The following ECI2 variants were observed in gnomAD, a reference collection of about 807,000 sequenced individuals.
The protein encoded by ECI2 is enoyl-CoA delta isomerase 2, also known as D3,D2-enoyl-CoA isomerase.
Under a neutral mutation model 38.4 loss-of-function variants are expected in ECI2, and 27 were observed. The ratio of observed to expected loss-of-function variants is 0.70; its 90% CI spans 0.52 to 0.97. The LOEUF is 0.97. Among genes scored for constraint, ECI2 ranks in the 50% least tolerant of loss-of-function variants. The probability of loss-of-function intolerance (pLI) is 0.00; values close to 1 mark genes in which losing one functional copy is unlikely to be tolerated. For missense variants in ECI2, 470 were observed against 474.4 expected (o/e 0.99, Z 0.09); for synonymous variants, 168 against 172.0 (o/e 0.98, Z 0.18).
intron 6 of ECI2, 88 bp downstream of exon 6, chr6:4,126,047 G>A: frequency 9.9e-7 from 1 of 1,005,796 alleles, no homozygotes; most frequent in Non-Finnish European, 1.6e-6. Flanking sequence ...ACACAGAGAA[G>A]CAGATATTGC....
At chr6:4,123,435 CTTTAT>C (rs938427628) in intron 7 of ECI2, among the ~76,000 whole-genome samples, 4 of 151,808 alleles carry the variant, frequency 2.6e-5, no homozygotes, top group African/African-American at 7.3e-5. Flanking sequence ...CCTCAATTTC[CTTTAT>C]TTTAAATGAT....
At chr6:4,122,019 C>A in intron 7 of ECI2, 2 of 1,600,200 alleles carry the variant, frequency 1.2e-6, no homozygotes, top group Non-Finnish European at 1.7e-6. Context: ...GAGAAACCTG[C>A]CAACAACAGC....
At chr6:4,118,354 T>C (rs1209608604) in intron 8 of ECI2, 1 of 152,374 alleles carries the variant, frequency 6.6e-6, no homozygotes, top group Non-Finnish European at 1.5e-5. Flanking sequence ...AATAGCCAAA[T>C]GCTCTAAGAC....
intron 7 of ECI2, among the ~76,000 whole-genome samples, chr6:4,121,148 G>A (rs1310830231): frequency 2.0e-5 from 3 of 152,178 alleles, no homozygotes; most frequent in Non-Finnish European, 4.4e-5. Context: ...AACCATGCTA[G>A]TATGTATGTA....
At chr6:4,118,185 C>A (rs1223551712) in intron 8 of ECI2, 2 of 152,254 alleles carry the variant, frequency 1.3e-5, no homozygotes, top group East Asian at 3.9e-4. Context: ...TGCCCGCCAC[C>A]ATGCCCCGGC....
intron 7 of ECI2, among the ~76,000 whole-genome samples, chr6:4,122,788 GC>G (rs140946749): frequency 4.6e-4 from 70 of 152,332 alleles, no homozygotes; most frequent in African/African-American, 1.5e-3. Context: ...GAGCCACTGT[GC>G]CTGGCCAAGT....
intron 8 of ECI2, chr6:4,117,674 CGTT>C (rs1652308863): frequency 4.4e-6 from 2 of 454,536 alleles, no homozygotes; most frequent in Admixed American, 4.0e-5. Flanking sequence ...TTCTGTGTAT[CGTT>C]GTTGGAGGGG....
rs890426856 is a variant in ECI2, at chr6:4,130,033, T to C, written c.501+339A>G. The C allele has an allele frequency of 1.5e-5, 19 of 1,306,404 alleles. No individual in the cohort carries two copies. In the African/African-American group the frequency reaches 2.5e-4, roughly 17 times the overall value. The allele number at this position is 1,306,404 out of a possible 1,614,324, so 80.9% of individuals were successfully genotyped here. A position where few individuals can be genotyped will look rare whatever the true frequency, so the allele number is the denominator to read the frequency against. On this transcript the variant is annotated intron_variant, in intron 4 of 9. Transcript: ENST00000380118. Reference sequence around the variant, plus strand: ...GACTTACTTTCATGTCTAAGTGACATGAAGATACTTCTGGGAGCAGTCTAC... The same window carrying C: ...GACTTACTTTCATGTCTAAGTGACACGAAGATACTTCTGGGAGCAGTCTAC...
At chr6:4,125,958 G>A (rs772943095) in intron 6 of ECI2, 177 bp downstream of exon 6, 31 of 688,762 alleles carry the variant, frequency 4.5e-5, no homozygotes, top group Non-Finnish European at 7.7e-5. Flanking sequence ...AGAGGTCAAA[G>A]AGAAAGAATG....
At chr6:4,118,440 T>C (rs2783073) in intron 8 of ECI2, 45,796 of 152,196 alleles carry the variant, frequency 0.3, 7,034 homozygotes, top group East Asian at 0.36. Flanking sequence ...AAAACATACA[T>C]ATATAAGTTT....
At chr6:4,133,883 A>G (rs1352524331) in intron 1 of ECI2, 172 bp from the exon 2 acceptor site, 1 of 678,292 alleles carries the variant, frequency 1.5e-6, no homozygotes, top group Admixed American at 3.9e-5. Flanking sequence ...GGATTCCAAG[A>G]TAATAAGTCA....
At chr6:4,119,421 A>G (rs1772527626) in intron 7 of ECI2, 146 bp from the exon 8 acceptor site, 1 of 555,038 alleles carries the variant, frequency 1.8e-6, no homozygotes, top group African/African-American at 1.9e-5. Context: ...CTTGGGTTCA[A>G]GCGATTCTCC....
chr6:4,130,555 A>G lies in ECI2; in HGVS notation c.318T>C (p.Ala106=). ...WNALGSLPKE[A]ARQNYVDLVS... Reference sequence around the variant, plus strand: ...CCAAATCCACATAGTTCTGCCTGGCAGCTTCCTGAACGGACGATGACAAAC... The same window carrying G: ...CCAAATCCACATAGTTCTGCCTGGCGGCTTCCTGAACGGACGATGACAAAC... Residue 106 remains alanine (A), a synonymous_variant, in exon 4 of 10, where the codon GCT becomes GCC. Transcript: ENST00000380118. 1 of 1,614,252 alleles carries G rather than the reference A, an allele frequency of 6.2e-7. No homozygotes were observed. Among genetic ancestry groups the G allele is most frequent in the Non-Finnish European group, 8.5e-7 (1 of 1,180,052 alleles).
chr6:4,121,887 A>G (rs1372441708), intron 7 of ECI2: 7 of 929,996 alleles, frequency 7.5e-6, no homozygotes, highest in Non-Finnish European at 1.1e-5. Flanking sequence ...ATACATAAAA[A>G]TAATCACAAT....
In ECI2 at chr6:4,130,771, G is replaced by A. The variant is rs779271218; in HGVS notation, c.308C>T (p.Pro103Leu). ...WDAWNALGSLPKEAARQNYVD... is the reference protein window; with the variant it reads ...WDAWNALGSLLKEAARQNYVD... ...CACAGTAACTAGTAAACTCACCTTGGGCAGGCTGCCAAGGGCATTCCATGC... is the reference window on the plus strand; with the variant it reads ...CACAGTAACTAGTAAACTCACCTTGAGCAGGCTGCCAAGGGCATTCCATGC... Residue 103 changes from proline to leucine, a missense_variant, in exon 3 of 10, where the codon CCC (proline) becomes CTC (leucine). Coordinates refer to ENST00000380118, the MANE Select transcript of ECI2 (RefSeq NM_206836.3). The A allele has an allele frequency of 1.2e-6, 2 of 1,613,958 alleles. No individual in the cohort carries two copies. The highest frequency in any genetic ancestry group is 1.7e-6 in the Non-Finnish European group (2 of 1,180,002).
At chr6:4,121,957 T>C (rs563303974) in intron 7 of ECI2, 8 of 1,571,278 alleles carry the variant, frequency 5.1e-6, no homozygotes, top group South Asian at 1.2e-5. Context: ...AGAAAACTTA[T>C]TCAAAAAAAT....
chr6:4,130,558 T>C lies in ECI2; in HGVS notation c.315A>G (p.Glu105=). 1 of 1,614,236 alleles carries C rather than the reference T, an allele frequency of 6.2e-7. No homozygotes were observed. The highest frequency in any genetic ancestry group is 8.5e-7 in the Non-Finnish European group (1 of 1,180,036). The part of the protein sequence containing the change: ...AWNALGSLPK[E]AARQNYVDLV... The stretch of plus-strand genomic sequence containing the variant: ...AATCCACATAGTTCTGCCTGGCAGC[T>C]TCCTGAACGGACGATGACAAACAAC... Residue 105 remains glutamate (E), a splice_region_variant and synonymous_variant, in exon 4 of 10, where the codon GAA becomes GAG. Coordinates refer to ENST00000380118, the MANE Select transcript of ECI2 (RefSeq NM_206836.3).
chr6:4,120,077 T>C (rs572820613), intron 7 of ECI2, among the ~76,000 whole-genome samples: 2 of 152,338 alleles, frequency 1.3e-5, no homozygotes, highest in South Asian at 4.1e-4. Context: ...TTAATGCCAT[T>C]GGTGTTGTTT....
At chr6:4,123,830 G>A (rs755524512) in intron 7 of ECI2, among the ~76,000 whole-genome samples, 2 of 151,972 alleles carry the variant, frequency 1.3e-5, no homozygotes, top group Non-Finnish European at 2.9e-5. Flanking sequence ...TTAGCTCGAT[G>A]TGGTGGCACG....
Sources: allele counts gnomAD v4.1 joint callset (sites outside exome capture counted in the v4.1 genomes callset), GRCh38; gene constraint gnomAD v4.1.1; transcripts MANE v1.5; gene names NCBI Gene and HGNC (gene_info 2026-07-23, HGNC 2026-07-21).